The following DPP10 variants were observed in gnomAD, a reference collection of about 807,000 sequenced individuals.
DPP10 encodes dipeptidyl peptidase like 10, also known as inactive dipeptidyl peptidase 10.
In DPP10, 33 loss-of-function variants were observed where a neutral mutation model predicts 120.9. The observed-to-expected ratio is 0.27, with a 90% CI of 0.21 to 0.37. The LOEUF (loss-of-function observed/expected upper bound fraction) is 0.37, where lower values mean the gene tolerates loss of function less well. DPP10 is among the 10% of genes least tolerant of loss of function. The pLI, the probability that DPP10 is intolerant of heterozygous loss-of-function variation, is 1.00. For synonymous variants in DPP10, 337 were observed against 326.1 expected (o/e 1.03, Z -0.36); for missense variants, 816 against 942.8 (o/e 0.87, Z 1.76).
rs1215342315 is a variant in DPP10 at position 115,274,380 on chromosome 2, CTT to C, written c.61-34855_61-34854del. Among the ~76,000 whole-genome samples the C allele has an allele frequency of 4.6e-5, 7 of 152,216 alleles. 1 individual carries two copies. The East Asian group carries it at 1.4e-3, about 29-fold the overall frequency. On this transcript the variant is annotated intron_variant, in intron 1 of 25. Transcript: ENST00000410059. ...TAAAACTATTACATTGCCATCCTCTCTTTTTCCCTGGTGAATATTTAGGTGCA... is the reference window on the plus strand; with the variant it reads ...TAAAACTATTACATTGCCATCCTCTCTTTCCCTGGTGAATATTTAGGTGCA...
chr2:114,792,818 C>G (rs1683364850), intron 1 of DPP10, among the ~76,000 whole-genome samples: 1 of 152,094 alleles, frequency 6.6e-6, no homozygotes, highest in Admixed American at 6.5e-5. Context: ...ATATGCGATC[C>G]CACTGGGAGA....
intron 1 of DPP10, among the ~76,000 whole-genome samples, chr2:114,601,460 TTG>T (rs998225897): frequency 9.2e-5 from 14 of 151,924 alleles, no homozygotes; most frequent in Admixed American, 6.6e-5. Context: ...GGCTTTACAG[TTG>T]TGTTTTTTTC....
chr2:114,705,132 T>G (rs1475784691), intron 1 of DPP10, among the ~76,000 whole-genome samples: 2 of 152,166 alleles, frequency 1.3e-5, no homozygotes, highest in Admixed American at 1.3e-4. Flanking sequence ...GGGGCCATGG[T>G]CAAATAGTAA....
intron 2 of DPP10, among the ~76,000 whole-genome samples, chr2:115,330,753 G>A (rs114204701): frequency 0.013 from 1,933 of 151,400 alleles, 31 homozygotes; most frequent in African/African-American, 0.045. Context: ...GTAGATGTGT[G>A]GTACTATTTC....
intron 1 of DPP10, among the ~76,000 whole-genome samples, chr2:115,021,960 C>T (rs1447994764): frequency 1.3e-5 from 2 of 152,172 alleles, no homozygotes; most frequent in East Asian, 3.9e-4. Context: ...AATCCAGCAT[C>T]CACTTATGAT....
At chr2:115,534,767 C>T (rs1225840010) in intron 5 of DPP10, among the ~76,000 whole-genome samples, 3 of 150,712 alleles carry the variant, frequency 2.0e-5, no homozygotes, top group African/African-American at 7.3e-5. Context: ...TCCTCTCCAG[C>T]ACCTGTTGTT....
intron 2 of DPP10, among the ~76,000 whole-genome samples, chr2:115,326,560 G>C (rs200318571): frequency 1.3e-5 from 2 of 151,974 alleles, no homozygotes; most frequent in East Asian, 3.9e-4. Flanking sequence ...TCCAGAAGAA[G>C]GCATGGTTAT....
rs1175379486 is a variant in DPP10 at position 115,384,475 on chromosome 2, GAAGGAA to G, written c.271+40564_271+40569del. Among the ~76,000 whole-genome samples the G allele has an allele frequency of 3.0e-4, 43 of 145,002 alleles. 1 individual carries two copies. The highest frequency in any genetic ancestry group is 6.6e-4 in the South Asian group (3 of 4,534). The stretch of plus-strand genomic sequence containing the variant: ...AAGAAGAAGGAAGAAGAAGGAAGAA[GAAGGAA>G]GAAGAAGAAGAAGAGGAAAAGAAGA... On this transcript the variant is annotated intron_variant, in intron 3 of 25. Coordinates refer to ENST00000410059, the MANE Select transcript of DPP10 (RefSeq NM_020868.6).
At chr2:115,204,138 TC>T (rs1349704857) in intron 1 of DPP10, among the ~76,000 whole-genome samples, 1 of 152,154 alleles carries the variant, frequency 6.6e-6, no homozygotes, top group Non-Finnish European at 1.5e-5. Flanking sequence ...TGAAATGTCT[TC>T]TACAGTTAAA....
At chr2:115,647,330 G>A (rs1182828864) in intron 5 of DPP10, among the ~76,000 whole-genome samples, 4 of 152,104 alleles carry the variant, frequency 2.6e-5, no homozygotes, top group Non-Finnish European at 5.9e-5. Context: ...GCAGCACATA[G>A]GAAGCTTTTT....
At chr2:115,449,447 C>T (rs1263721672) in intron 3 of DPP10, among the ~76,000 whole-genome samples, 1 of 151,916 alleles carries the variant, frequency 6.6e-6, no homozygotes, top group Non-Finnish European at 1.5e-5. Flanking sequence ...AGTGGGGGGC[C>T]AATATAATGT....
chr2:115,446,699 C>T (rs1387470561), intron 3 of DPP10, among the ~76,000 whole-genome samples: 1 of 152,010 alleles, frequency 6.6e-6, no homozygotes, highest in Non-Finnish European at 1.5e-5. Flanking sequence ...GTCTGAGTTG[C>T]TTTTACCTTT....
intron 1 of DPP10, among the ~76,000 whole-genome samples, chr2:114,518,608 C>G (rs1169910352): frequency 6.6e-6 from 1 of 152,128 alleles, no homozygotes; most frequent in East Asian, 1.9e-4. Context: ...TCCTAGAAAG[C>G]CTCTTGTTTC....
intron 1 of DPP10, among the ~76,000 whole-genome samples, chr2:114,682,883 C>A (rs13425488): frequency 6.6e-6 from 1 of 151,638 alleles, no homozygotes; most frequent in African/African-American, 2.4e-5. Flanking sequence ...GGAGTGCTGA[C>A]GTGCTGAGAG....
At chr2:115,771,978 C>CA (rs1681527202) in intron 13 of DPP10, among the ~76,000 whole-genome samples, 1 of 151,226 alleles carries the variant, frequency 6.6e-6, no homozygotes, top group African/African-American at 2.4e-5. Flanking sequence ...TGATGGCGGT[C>CA]ACTACATATA....
chr2:115,662,705 C>T (rs2089101444), intron 5 of DPP10, among the ~76,000 whole-genome samples: 1 of 152,082 alleles, frequency 6.6e-6, no homozygotes, highest in South Asian at 2.1e-4. Flanking sequence ...TTGTTACACC[C>T]AGTATCTTTT....
At chr2:115,510,119 G>A (rs2077148113) in intron 4 of DPP10, among the ~76,000 whole-genome samples, 1 of 152,058 alleles carries the variant, frequency 6.6e-6, no homozygotes, top group African/African-American at 2.4e-5. Flanking sequence ...AGATACATAA[G>A]TTTCAAATGT....
rs71998520 is a variant in DPP10, at chr2:114,619,381, ATGTGTG to A, written c.60+176569_60+176574del. ...TATATGTGTGTGTATATATATACAT[ATGTGTG>A]TGTGTGTGTGTGTGTGTGTGTGTGT... is the stretch of plus-strand genomic sequence containing the variant. On this transcript the variant is annotated intron_variant, in intron 1 of 25. Transcript: ENST00000410059. Among the ~76,000 whole-genome samples, 298 of 146,366 alleles carry A rather than the reference ATGTGTG, an allele frequency of 2.0e-3. 3 individuals are homozygous for A. The highest frequency in any genetic ancestry group is 4.6e-3 in the East Asian group (23 of 4,988).
At chr2:115,346,557 G>A (rs914444779) in intron 3 of DPP10, among the ~76,000 whole-genome samples, 3 of 152,004 alleles carry the variant, frequency 2.0e-5, no homozygotes, top group African/African-American at 7.2e-5. Flanking sequence ...GCTTAACAAC[G>A]GCCTTACCCC....
Sources: allele counts gnomAD v4.1 joint callset (sites outside exome capture counted in the v4.1 genomes callset), GRCh38; gene constraint gnomAD v4.1.1; transcripts MANE v1.5; gene names NCBI Gene and HGNC (gene_info 2026-07-23, HGNC 2026-07-21).